The following CDK14 variants were observed in gnomAD, a reference collection of about 807,000 sequenced individuals.
CDK14 encodes the protein cyclin dependent kinase 14, also known as cyclin-dependent kinase 14.
CDK14 carries 34 observed loss-of-function variants against 60.7 expected under a neutral mutation model. That is an observed-to-expected ratio of 0.56 (90% CI 0.43 to 0.75). The LOEUF is 0.75. Ranked by LOEUF, CDK14 falls within the 30% of genes least tolerant of loss-of-function variation. The pLI is 0.00. For synonymous variants in CDK14, 197 were observed against 203.7 expected (o/e 0.97, Z 0.28); for missense variants, 482 against 564.1 (o/e 0.85, Z 1.47).
At chr7:91,017,207 A>G (rs973657827) in intron 10 of CDK14, among the ~76,000 whole-genome samples, 5 of 152,174 alleles carry the variant, frequency 3.3e-5, no homozygotes, top group Non-Finnish European at 7.3e-5. Flanking sequence ...GTTTTCTCCA[A>G]TAGAAGAAGC....
chr7:91,097,019 A>G (rs74498152), intron 12 of CDK14, among the ~76,000 whole-genome samples: 4,261 of 152,316 alleles, frequency 0.028, 194 homozygotes, highest in African/African-American at 0.095. Flanking sequence ...AGGGAAAATG[A>G]AAAGCTAATA....
At chr7:90,835,711 T>C (rs982514629) in intron 5 of CDK14, among the ~76,000 whole-genome samples, 1 of 152,102 alleles carries the variant, frequency 6.6e-6, no homozygotes, top group Non-Finnish European at 1.5e-5. Context: ...TACAGTACAG[T>C]TTGTGGGTAT....
intron 5 of CDK14, among the ~76,000 whole-genome samples, chr7:90,808,707 A>G (rs11983946): frequency 0.16 from 23,870 of 152,126 alleles, 1,960 homozygotes; most frequent in Middle Eastern, 0.25. Context: ...TCAGTGTGCT[A>G]TATTCAGGAA....
In CDK14 at chr7:90,934,539, G is replaced by A. The variant is rs76443170; in HGVS notation, c.826+16815G>A. 5.6e-3 allele frequency among the ~76,000 whole-genome samples: 859 copies of A among 152,326 alleles called. 22 individuals carry two copies. Among genetic ancestry groups the A allele is most frequent in the East Asian group, 0.035 (184 of 5,186 alleles). ...TTTGCAGTGAACTTTAGTTTTAAAA[G>A]CATGGTATCAAGGAATTGGAAGTCC... On this transcript the variant is annotated intron_variant, in intron 8 of 14. Coordinates refer to ENST00000380050, the MANE Select transcript of CDK14 (RefSeq NM_001287135.2).
chr7:90,720,394 G>A (rs1054148333), intron 2 of CDK14, among the ~76,000 whole-genome samples: 1 of 152,162 alleles, frequency 6.6e-6, no homozygotes, highest in Admixed American at 6.5e-5. Context: ...CGGACAGTGC[G>A]TAGAATGTCT....
At chr7:91,188,688 G>A (rs1171080794) in intron 14 of CDK14, among the ~76,000 whole-genome samples, 2 of 152,148 alleles carry the variant, frequency 1.3e-5, no homozygotes, top group African/African-American at 2.4e-5. Context: ...GCTCATTATA[G>A]AATATGGTTA....
intron 6 of CDK14, among the ~76,000 whole-genome samples, chr7:90,888,075 G>A (rs1383525981): frequency 6.6e-6 from 1 of 152,150 alleles, no homozygotes; most frequent in African/African-American, 2.4e-5. Context: ...AAGTAGGCCA[G>A]GCGCAATGGC....
chr7:91,037,288 C>T (rs1796958167), intron 10 of CDK14, among the ~76,000 whole-genome samples: 1 of 152,200 alleles, frequency 6.6e-6, no homozygotes, highest in Non-Finnish European at 1.5e-5. Flanking sequence ...AAATGTAAGA[C>T]ATCCCTTCTG....
rs192626553 is a variant in CDK14 at position 90,994,363 on chromosome 7, C to A, written c.1041+10122C>A. 1.6e-3 allele frequency among the ~76,000 whole-genome samples: 247 copies of A among 152,248 alleles called. 2 individuals carry two copies. The Middle Eastern group carries it at 0.017, about 10-fold the overall frequency. On this transcript the variant is annotated intron_variant, in intron 10 of 14. Coordinates refer to ENST00000380050, the MANE Select transcript of CDK14 (RefSeq NM_001287135.2). Reference sequence around the variant, plus strand: ...TCCAAGAGTGGGTGGCCCAAGAGGACCAGATGGAAACTGTGTGGTTTCTCT... The same window carrying A: ...TCCAAGAGTGGGTGGCCCAAGAGGAACAGATGGAAACTGTGTGGTTTCTCT...
chr7:91,198,260 G>A (rs529775482), intron 14 of CDK14, among the ~76,000 whole-genome samples: 3 of 152,182 alleles, frequency 2.0e-5, no homozygotes, highest in Admixed American at 2.0e-4. Context: ...CTTTTGTGGT[G>A]GGGGGGAAAT....
At chr7:90,726,370 T>C in intron 2 of CDK14, 197 bp from the exon 3 acceptor site, 1 of 1,314,566 alleles carries the variant, frequency 7.6e-7, no homozygotes, top group Non-Finnish European at 1.0e-6. Flanking sequence ...AGCTCTAGTG[T>C]GAGATCTAAG....
chr7:91,076,290 A>C (rs1798314336), intron 11 of CDK14, among the ~76,000 whole-genome samples: 1 of 139,666 alleles, frequency 7.2e-6, no homozygotes, highest in Admixed American at 7.2e-5. Flanking sequence ...TGGTACTGGT[A>C]CCAAAACAGA....
chr7:90,602,245 G>A (rs925307957), intron 1 of CDK14, among the ~76,000 whole-genome samples: 4 of 152,174 alleles, frequency 2.6e-5, no homozygotes, highest in African/African-American at 9.7e-5. Flanking sequence ...TGCTGCTGTA[G>A]CTTTGCATCT....
rs764370281 is a variant in CDK14 at position 90,899,381 on chromosome 7, G to A, written c.702+28G>A. The A allele has an allele frequency of 1.9e-6, 3 of 1,557,140 alleles. No homozygotes were observed. In the Admixed American group the frequency reaches 5.5e-5, roughly 29 times the overall value. On this transcript the variant is annotated intron_variant, in intron 7 of 14. Transcript: ENST00000380050. Reference sequence around the variant, plus strand: ...AGGAAAAGATCTTTTTAAGCCAAAGGTTAGCATTCTTGATGTGTATTTTTT... The same window carrying A: ...AGGAAAAGATCTTTTTAAGCCAAAGATTAGCATTCTTGATGTGTATTTTTT...
intron 7 of CDK14, among the ~76,000 whole-genome samples, chr7:90,900,626 C>G (rs1792476950): frequency 6.6e-6 from 1 of 152,146 alleles, no homozygotes; most frequent in Non-Finnish European, 1.5e-5. Flanking sequence ...TTGTTTCCCA[C>G]TCTATCCCTG....
At chr7:90,826,869 A>G (rs1164043731) in intron 5 of CDK14, among the ~76,000 whole-genome samples, 2 of 152,146 alleles carry the variant, frequency 1.3e-5, no homozygotes, top group African/African-American at 4.8e-5. Flanking sequence ...ACAATTGATG[A>G]ACCAAATTTA....
chr7:90,850,109 T>C (rs1157089313), intron 5 of CDK14, among the ~76,000 whole-genome samples: 1 of 152,054 alleles, frequency 6.6e-6, no homozygotes, highest in African/African-American at 2.4e-5. Context: ...TGCTTCTTTT[T>C]AAAATTCTGT....
Position 90,989,229 on chromosome 7 carries a change from G to T in CDK14, c.1041+4988G>T, listed in dbSNP as rs115029514. On this transcript the variant is annotated intron_variant, in intron 10 of 14. Coordinates refer to ENST00000380050, the MANE Select transcript of CDK14 (RefSeq NM_001287135.2). ...ACCATAATCCTGCAGCTTCATGATTGGTTAGGGAAGCCTTGTAGAATGTAA... is the reference window on the plus strand; with the variant it reads ...ACCATAATCCTGCAGCTTCATGATTTGTTAGGGAAGCCTTGTAGAATGTAA... Among the ~76,000 whole-genome samples the T allele has an allele frequency of 5.3e-3, 808 of 152,214 alleles. 8 individuals are homozygous for T. Among genetic ancestry groups the T allele is most frequent in the African/African-American group, 0.018 (761 of 41,540 alleles).
At chr7:91,034,123 A>G (rs1246163771) in intron 10 of CDK14, among the ~76,000 whole-genome samples, 1 of 152,102 alleles carries the variant, frequency 6.6e-6, no homozygotes, top group East Asian at 1.9e-4. Context: ...TCATCCACCA[A>G]TCTTTTGTGA....
Sources: gnomAD v4.1 joint callset for allele counts (sites outside exome capture counted in the v4.1 genomes callset) on GRCh38, gnomAD v4.1.1 for gene constraint, MANE v1.5 for transcripts, NCBI Gene and HGNC (gene_info 2026-07-23, HGNC 2026-07-21) for gene names.